Variants in TEX10 observed in about 807,000 individuals in gnomAD.
TEX10 encodes testis-expressed protein 10.
A neutral mutation model predicts 104.4 loss-of-function variants in TEX10; 24 were observed. The observed-to-expected ratio is 0.23, with a 90% CI of 0.17 to 0.32. The LOEUF is 0.32. Among genes scored for constraint, TEX10 ranks in the 10% least tolerant of loss-of-function variants. The pLI, the probability that TEX10 is intolerant of heterozygous loss-of-function variation, is 1.00. For synonymous variants in TEX10, 396 were observed against 393.4 expected, an observed-to-expected ratio of 1.01 and a Z score of -0.08; for missense variants, 921 against 1,083.9, an observed-to-expected ratio of 0.85 and a Z score of 2.11.
In TEX10 at chr9:100,302,163, A is replaced by ACTT. The variant is rs1276946527; in HGVS notation, c.*25_*27dup. 9 of 1,352,332 alleles carry ACTT rather than the reference A, an allele frequency of 6.7e-6. No individual in the cohort carries two copies. Among genetic ancestry groups the ACTT allele is most frequent in the Non-Finnish European group, 8.2e-6 (8 of 978,796 alleles). 83.8% of individuals were successfully genotyped at this position (1,352,332 alleles called of 1,614,324 possible). On this transcript the variant is annotated 3_prime_UTR_variant, in exon 15 of 15. Transcript: ENST00000374902. The stretch of plus-strand genomic sequence containing the variant: ...CAAATAAGATAGATGTGAATAAACA[A>ACTT]CTTCAAACAGGAGGTACTATGGCCT...
At chr9:100,344,857 A>T (rs1465258672) in intron 4 of TEX10, among the ~76,000 whole-genome samples, 1 of 152,200 alleles carries the variant, frequency 6.6e-6, no homozygotes, top group Non-Finnish European at 1.5e-5. Flanking sequence ...AAAAATAAAA[A>T]GAAAAGAAAA....
At chr9:100,318,915 G>A (rs1449353586) in intron 11 of TEX10, among the ~76,000 whole-genome samples, 1 of 152,168 alleles carries the variant, frequency 6.6e-6, no homozygotes, top group Non-Finnish European at 1.5e-5. Context: ...CACCAGGCTG[G>A]GAGCAGTGGC....
intron 4 of TEX10, among the ~76,000 whole-genome samples, chr9:100,341,514 T>TG (rs554971183): frequency 2.0e-5 from 3 of 151,904 alleles, no homozygotes; most frequent in Non-Finnish European, 2.9e-5. Context: ...AACACTGGCA[T>TG]CATCCTTGAC....
At chr9:100,332,834 T>C (rs1834902370) in intron 5 of TEX10, among the ~76,000 whole-genome samples, 3 of 146,750 alleles carry the variant, frequency 2.0e-5, no homozygotes, top group Admixed American at 1.4e-4. Context: ...AAAAAAAAAA[T>C]TGCTGAAAAT....
chr9:100,351,843 C>G (rs1835459101), intron 1 of TEX10, among the ~76,000 whole-genome samples: 1 of 152,166 alleles, frequency 6.6e-6, no homozygotes, highest in African/African-American at 2.4e-5. Context: ...TAACTTATAA[C>G]AAAGATTTTC....
intron 4 of TEX10, among the ~76,000 whole-genome samples, chr9:100,343,115 C>T (rs1046936548): frequency 2.0e-5 from 3 of 149,538 alleles, no homozygotes; most frequent in African/African-American, 4.9e-5. Context: ...CCAGCCTGGG[C>T]GACTGAGTGA....
intron 13 of TEX10, chr9:100,307,062 A>T (rs887281071): frequency 6.6e-6 from 1 of 152,198 alleles, no homozygotes; most frequent in African/African-American, 2.4e-5. Context: ...ATGATGTATA[A>T]GAAAACTATC....
chr9:100,326,257 GAA>G, intron 9 of TEX10, 43 bp downstream of exon 9: 1 of 1,574,218 alleles, frequency 6.4e-7, no homozygotes, highest in East Asian at 2.3e-5. Flanking sequence ...AGTAAAAGGG[GAA>G]AAAGATTATA....
At position 100,339,832 on chromosome 9, in the gene TEX10, C is replaced by G. The variant is rs552584788; in HGVS notation, c.1250+425G>C. On this transcript the variant is annotated intron_variant, in intron 5 of 14. Coordinates refer to ENST00000374902, the MANE Select transcript of TEX10 (RefSeq NM_017746.4). ...TTACCTTTTATTTCTGATTTTTCTCCAATTACCCTCCTTCCTTCGGGATAC... is the reference window on the plus strand; with the variant it reads ...TTACCTTTTATTTCTGATTTTTCTCGAATTACCCTCCTTCCTTCGGGATAC... 2.6e-5 allele frequency among the ~76,000 whole-genome samples: 4 copies of G among 151,374 alleles called. No homozygotes were observed. In the East Asian group the frequency reaches 7.8e-4, roughly 29 times the overall value.
chr9:100,339,366 A>ATATACT (rs1554739483), intron 5 of TEX10, among the ~76,000 whole-genome samples: 6 of 138,976 alleles, frequency 4.3e-5, no homozygotes, highest in African/African-American at 1.6e-4. Context: ...ATATATTTAT[A>ATATACT]TATATTTATA....
chr9:100,305,760 A>C (rs181926746), intron 13 of TEX10: 2 of 152,362 alleles, frequency 1.3e-5, no homozygotes, highest in Admixed American at 1.3e-4. Flanking sequence ...AGTCAACAGT[A>C]CTGGAAGCTG....
chr9:100,349,145 A>G, intron 2 of TEX10, 39 bp downstream of exon 2: 1 of 1,485,710 alleles, frequency 6.7e-7, no homozygotes, highest in South Asian at 1.5e-5. Flanking sequence ...ACGATTCCAA[A>G]GAAAATCTTA....
chr9:100,327,696 A>T, intron 8 of TEX10, 91 bp downstream of exon 8: 1 of 1,078,320 alleles, frequency 9.3e-7, no homozygotes, highest in East Asian at 2.7e-5. Flanking sequence ...ACTAAGGGAA[A>T]GGCAAAATTA....
intron 12 of TEX10, 87 bp from the exon 13 acceptor site, chr9:100,308,768 C>G: frequency 7.9e-7 from 1 of 1,267,316 alleles, no homozygotes; most frequent in Non-Finnish European, 1.1e-6. Flanking sequence ...TCACGATTAA[C>G]TTTACATTAT....
intron 5 of TEX10, among the ~76,000 whole-genome samples, chr9:100,331,344 G>A (rs1327360753): frequency 6.6e-6 from 1 of 152,212 alleles, no homozygotes; most frequent in African/African-American, 2.4e-5. Context: ...GGCCAAGGCA[G>A]GGGCATCACT....
chr9:100,346,635 G>A, intron 3 of TEX10, 59 bp downstream of exon 3: 1 of 1,501,724 alleles, frequency 6.7e-7, no homozygotes, highest in Non-Finnish European at 9.0e-7. Context: ...GTCATCAATG[G>A]TTAGCAGTTA....
chr9:100,346,701 T>C lies in TEX10; in HGVS notation c.886A>G (p.Arg296Gly). ...AACTGAAATCCTTCTTACCGTAGCC[T>C]GAACTGTGAACTGACATTTGGCTGT... is the stretch of plus-strand genomic sequence containing the variant. ...GSQPNVSSQF[R>G]LRYLVGGLSG... Residue 296 changes from arginine (R) to glycine (G), a missense_variant, in exon 3 of 15, where the codon AGG (arginine) becomes GGG (glycine). This residue lies in a region of TEX10 where 753 missense variants were observed against 868.4 expected (regional missense o/e 0.87). Transcript: ENST00000374902. 1.2e-6 allele frequency: 2 copies of C among 1,610,692 alleles called. No homozygotes were observed. Among genetic ancestry groups the C allele is most frequent in the Non-Finnish European group, 1.7e-6 (2 of 1,178,148 alleles).
chr9:100,308,418 A>G, intron 13 of TEX10, 82 bp downstream of exon 13: 6 of 1,245,632 alleles, frequency 4.8e-6, no homozygotes, highest in Non-Finnish European at 4.4e-6. Flanking sequence ...TAACCTAATT[A>G]TCTTTAACTG....
At chr9:100,350,318 G>A (rs1476071061) in intron 1 of TEX10, among the ~76,000 whole-genome samples, 1 of 152,008 alleles carries the variant, frequency 6.6e-6, no homozygotes, top group Non-Finnish European at 1.5e-5. Context: ...TAGTCCACTG[G>A]CCCTTTACGA....
Sources: gnomAD v4.1 joint callset for allele counts (sites outside exome capture counted in the v4.1 genomes callset) on GRCh38, gnomAD v4.1.1 for gene constraint, gnomAD v4.1.1 regional missense constraint, MANE v1.5 for transcripts, NCBI Gene and HGNC (gene_info 2026-07-23, HGNC 2026-07-21) for gene names.